STAG1: variants seen among roughly 807,000 people sequenced by gnomAD.
STAG1 encodes the protein STAG1 cohesin complex component.
STAG1 carries 26 observed loss-of-function variants against 170.9 expected under a neutral mutation model. The ratio of observed to expected loss-of-function variants is 0.15; its 90% confidence interval spans 0.11 to 0.21. The LOEUF (loss-of-function observed/expected upper bound fraction) is 0.21, where lower values mean the gene tolerates loss of function less well. Among genes scored for constraint, STAG1 ranks in the 10% least tolerant of loss-of-function variants. The pLI is 1.00. For synonymous variants in STAG1, 514 were observed against 497.7 expected (o/e 1.03, Z -0.44); for missense variants, 964 against 1,509.5 (o/e 0.64, Z 5.99).
At chr3:136,660,130 CAG>C (rs1941530089) in intron 1 of STAG1, among the ~76,000 whole-genome samples, 2 of 152,120 alleles carry the variant, frequency 1.3e-5, no homozygotes, top group Admixed American at 1.3e-4. Context: ...TGGAGGCAAA[CAG>C]AAAAGACATT....
At chr3:136,488,402 C>T (rs1018794094) in intron 9 of STAG1, among the ~76,000 whole-genome samples, 2 of 152,228 alleles carry the variant, frequency 1.3e-5, no homozygotes, top group Admixed American at 6.5e-5. Context: ...GGGTTACAGG[C>T]GTGAGCCACT....
At chr3:136,559,593 G>C (rs1447343608) in intron 5 of STAG1, among the ~76,000 whole-genome samples, 1 of 152,144 alleles carries the variant, frequency 6.6e-6, no homozygotes, top group African/African-American at 2.4e-5. Flanking sequence ...CCCAAACTGT[G>C]CACTGAGATG....
chr3:136,523,677 T>C (rs1934820733), intron 6 of STAG1, among the ~76,000 whole-genome samples: 1 of 152,232 alleles, frequency 6.6e-6, no homozygotes, highest in African/African-American at 2.4e-5. Context: ...CCCATGCCTA[T>C]GTCCTGAGTG....
At chr3:136,433,714 A>C in intron 15 of STAG1, 55 bp from the exon 16 acceptor site, 1 of 1,198,182 alleles carries the variant, frequency 8.3e-7, no homozygotes, top group South Asian at 1.3e-5. Flanking sequence ...ACAACCATGT[A>C]TTAAAAATGA....
At chr3:136,491,082 C>T (rs2090116371) in intron 9 of STAG1, among the ~76,000 whole-genome samples, 1 of 151,934 alleles carries the variant, frequency 6.6e-6, no homozygotes, top group African/African-American at 2.4e-5. Flanking sequence ...TAAAATTGTA[C>T]TCACTACTAC....
chr3:136,433,720 A>G (rs13069326), intron 15 of STAG1, 61 bp from the exon 16 acceptor site: 16,357 of 1,131,902 alleles, frequency 0.014, 143 homozygotes, highest in Non-Finnish European at 0.017. Flanking sequence ...ATGTATTAAA[A>G]ATGAACACAT....
chr3:136,522,554 TTTTTTG>T (rs1457473945), intron 6 of STAG1, among the ~76,000 whole-genome samples: 15 of 152,110 alleles, frequency 9.9e-5, no homozygotes, highest in Non-Finnish European at 2.1e-4. Context: ...TTTGCTGTTC[TTTTTTG>T]TTTTTAATTA....
intron 1 of STAG1, among the ~76,000 whole-genome samples, chr3:136,635,754 C>T (rs1940525650): frequency 6.6e-6 from 1 of 152,100 alleles, no homozygotes; most frequent in Non-Finnish European, 1.5e-5. Flanking sequence ...ACTCTTGGAA[C>T]TAATAAGCTA....
chr3:136,629,861 T>C (rs1940259406), intron 2 of STAG1, among the ~76,000 whole-genome samples: 1 of 152,074 alleles, frequency 6.6e-6, no homozygotes. Context: ...AAAGGAACAA[T>C]ATCTGCCATT....
intron 7 of STAG1, among the ~76,000 whole-genome samples, chr3:136,507,708 C>A (rs1933838422): frequency 6.6e-6 from 1 of 152,072 alleles, no homozygotes; most frequent in African/African-American, 2.4e-5. Context: ...TATTTTCCTA[C>A]TCATCACTAT....
At chr3:136,498,275 A>C (rs1276031980) in intron 9 of STAG1, among the ~76,000 whole-genome samples, 10 of 95,926 alleles carry the variant, frequency 1.0e-4, no homozygotes, top group South Asian at 3.8e-4. Flanking sequence ...CACACACACC[A>C]CACACACATA....
At chr3:136,376,405 G>C (rs536284341) in intron 23 of STAG1, among the ~76,000 whole-genome samples, 1 of 143,286 alleles carries the variant, frequency 7.0e-6, no homozygotes, top group Non-Finnish European at 1.5e-5. Context: ...GACCCTCTTT[G>C]GGCTGTGCCC....
intron 6 of STAG1, among the ~76,000 whole-genome samples, chr3:136,524,881 A>C (rs964959587): frequency 2.6e-5 from 4 of 152,272 alleles, no homozygotes; most frequent in African/African-American, 7.2e-5. Context: ...GGTTCTGTTC[A>C]TGTGCTGGAT....
chr3:136,559,903 T>G (rs1349030945), intron 5 of STAG1, among the ~76,000 whole-genome samples: 1 of 152,218 alleles, frequency 6.6e-6, no homozygotes, highest in Non-Finnish European at 1.5e-5. Context: ...TGCAGTTATT[T>G]GAGACATGAA....
chr3:136,558,933 A>G (rs1475936677), intron 5 of STAG1, among the ~76,000 whole-genome samples: 1 of 152,226 alleles, frequency 6.6e-6, no homozygotes, highest in African/African-American at 2.4e-5. Context: ...AAAATGGGGT[A>G]ATTTTGCTTC....
Position 136,341,486 on chromosome 3 carries a change from G to A in STAG1, c.3512C>T (p.Thr1171Ile), listed in dbSNP as rs768138935. The change falls in exon 31 of 34, where the codon ACA (threonine) becomes ATA (isoleucine). Residue 1171 changes from threonine to isoleucine, a missense_variant. Thr to Ile is a moderately conservative substitution (Grantham distance 89, BLOSUM62 -1). Transcript: ENST00000383202. ...TCTCACTTTCATGTAGTTCATTCCT[G>A]TTCTGTCCTTCCGATTTAAGTCTTC... The part of the protein sequence containing the change: ...KLEDLNRKDR[T>I]GMNYMKVRTG... 1 of 1,613,950 alleles carries A rather than the reference G, an allele frequency of 6.2e-7. No homozygotes were observed. Among genetic ancestry groups the A allele is most frequent in the Non-Finnish European group, 8.5e-7 (1 of 1,179,948 alleles).
At position 136,589,350 on chromosome 3, in the gene STAG1, A is replaced by C. The variant is rs1280107993; in HGVS notation, c.297+14959T>G. Among the ~76,000 whole-genome samples the C allele has an allele frequency of 6.6e-5, 10 of 151,968 alleles. No individual in the cohort carries two copies. The East Asian group carries it at 1.6e-3, about 24-fold the overall frequency. On this transcript the variant is annotated intron_variant, in intron 4 of 33. Coordinates refer to ENST00000383202, the MANE Select transcript of STAG1 (RefSeq NM_005862.3). ...CCAGTCTCTACTAAAAACAAACAAA[A>C]AAAAATTAGCAAGGTGTGGTGGCGT...
chr3:136,534,397 A>G (rs1229901907), intron 6 of STAG1, among the ~76,000 whole-genome samples: 1 of 152,162 alleles, frequency 6.6e-6, no homozygotes, highest in Non-Finnish European at 1.5e-5. Flanking sequence ...ACAAACAAAT[A>G]AAAAAGGCAA....
intron 2 of STAG1, among the ~76,000 whole-genome samples, chr3:136,626,415 A>C (rs973720373): frequency 3.3e-5 from 5 of 150,326 alleles, no homozygotes; most frequent in African/African-American, 4.9e-5. Flanking sequence ...ACAGAGTGAG[A>C]CTACATCTCA....
Sources: allele counts gnomAD v4.1 joint callset (sites outside exome capture counted in the v4.1 genomes callset), GRCh38; gene constraint gnomAD v4.1.1; transcripts MANE v1.5; gene names NCBI Gene and HGNC (gene_info 2026-07-23, HGNC 2026-07-21).